The following VPS13C variants were observed in gnomAD, a reference collection of about 807,000 sequenced individuals.
VPS13C encodes the protein vacuolar protein sorting 13 homolog C, also known as intermembrane lipid transfer protein VPS13C.
VPS13C carries 358 observed loss-of-function variants against 456.8 expected under a neutral mutation model. The ratio of observed to expected loss-of-function variants is 0.78; its 90% CI spans 0.72 to 0.86. The LOEUF is 0.86. Among genes scored for constraint, VPS13C ranks in the 40% least tolerant of loss-of-function variants. VPS13C has a pLI of 0.00. For missense variants in VPS13C, 4,818 were observed against 4,385.4 expected (o/e 1.10, Z -2.79); for synonymous variants, 1,578 against 1,486.7 (o/e 1.06, Z -1.41).
At chr15:61,984,216 T>C (rs1156808650) in intron 19 of VPS13C, among the ~76,000 whole-genome samples, 1 of 152,212 alleles carries the variant, frequency 6.6e-6, no homozygotes, top group African/African-American at 2.4e-5. Flanking sequence ...TTTAATTAAC[T>C]CCTTTCATCT....
At chr15:61,859,754 T>G (rs1894122596) in intron 82 of VPS13C, among the ~76,000 whole-genome samples, 1 of 152,178 alleles carries the variant, frequency 6.6e-6, no homozygotes, top group South Asian at 2.1e-4. Context: ...ATTGATAATT[T>G]GTAGCCCCCT....
chr15:61,964,222 T>G (rs764771458), intron 31 of VPS13C, among the ~76,000 whole-genome samples: 2 of 152,096 alleles, frequency 1.3e-5, no homozygotes, highest in Non-Finnish European at 2.9e-5. Flanking sequence ...TTAAATAATG[T>G]GTCTAAGGTT....
intron 62 of VPS13C, among the ~76,000 whole-genome samples, chr15:61,912,602 T>C (rs1201382555): frequency 6.6e-6 from 1 of 151,758 alleles, no homozygotes; most frequent in Non-Finnish European, 1.5e-5. Flanking sequence ...ACATTATCAC[T>C]TGAAATTCAA....
At chr15:61,923,312 C>T (rs537778626) in intron 53 of VPS13C, among the ~76,000 whole-genome samples, 7 of 152,156 alleles carry the variant, frequency 4.6e-5, no homozygotes, top group Admixed American at 3.3e-4. Flanking sequence ...ATAAATCCTA[C>T]CTCTTATTAT....
At chr15:61,983,190 C>T (rs2045938546) in intron 20 of VPS13C, among the ~76,000 whole-genome samples, 1 of 152,166 alleles carries the variant, frequency 6.6e-6, no homozygotes, top group South Asian at 2.1e-4. Context: ...CCCACCCACA[C>T]ACACACACTT....
At chr15:61,868,594 GA>G in intron 81 of VPS13C, 64 bp downstream of exon 81, 1 of 1,401,614 alleles carries the variant, frequency 7.1e-7, no homozygotes, top group Non-Finnish European at 1.0e-6. Flanking sequence ...AACCACCTAG[GA>G]AATCCTGGGC....
intron 52 of VPS13C, among the ~76,000 whole-genome samples, chr15:61,926,793 G>A (rs28440175): frequency 0.053 from 7,982 of 152,008 alleles, 366 homozygotes; most frequent in African/African-American, 0.12. Context: ...GGTATACCAC[G>A]GTGAACAAAA....
In VPS13C at chr15:61,922,083, A is replaced by T. The variant is rs747668208; in HGVS notation, c.6976-50T>A. 10 of 1,565,870 alleles carry T rather than the reference A, an allele frequency of 6.4e-6. No homozygotes were observed. In the East Asian group the frequency reaches 1.8e-4, roughly 28 times the overall value. ...AAGACAGTCCTTTGGCTTTAATTACATATTTCTGTAACCAATAGGGAAATT... is the reference window on the plus strand; with the variant it reads ...AAGACAGTCCTTTGGCTTTAATTACTTATTTCTGTAACCAATAGGGAAATT... On this transcript the variant is annotated intron_variant, in intron 54 of 84. Transcript: ENST00000644861.
intron 82 of VPS13C, among the ~76,000 whole-genome samples, chr15:61,857,429 TA>T (rs980101766): frequency 6.6e-6 from 1 of 151,894 alleles, no homozygotes; most frequent in Admixed American, 6.6e-5. Flanking sequence ...CACTGACATA[TA>T]AAGGAGTACA....
intron 53 of VPS13C, among the ~76,000 whole-genome samples, chr15:61,924,102 G>C (rs902242073): frequency 6.6e-6 from 1 of 151,452 alleles, no homozygotes; most frequent in African/African-American, 2.4e-5. Context: ...TCCTGACCTC[G>C]TGATCCGCCC....
At position 61,878,692 on chromosome 15, in the gene VPS13C, G is replaced by C; in HGVS notation, c.10057C>G (p.Gln3353Glu). Reference sequence around the variant, plus strand: ...ACAGAATGAACTGCAAACATTTCCTGTTTTTCTTTGTCTGATTCTTCACCT... The same window carrying C: ...ACAGAATGAACTGCAAACATTTCCTCTTTTTCTTTGTCTGATTCTTCACCT... ...SGGEESDKEKQEMFAVHSVNL... is the reference protein window; with the variant it reads ...SGGEESDKEKEEMFAVHSVNL... Residue 3353 changes from glutamine to glutamate, a missense_variant, in exon 74 of 85, where the codon CAG (glutamine) becomes GAG (glutamate). Gln to Glu is a conservative substitution (Grantham distance 29, BLOSUM62 2). This residue lies in a region of VPS13C where 4,552 missense variants were observed against 4,130.6 expected (regional missense o/e 1.10). Transcript: ENST00000644861. The C allele has an allele frequency of 1.2e-6, 2 of 1,611,194 alleles. No individual in the cohort carries two copies. Among genetic ancestry groups the C allele is most frequent in the Non-Finnish European group, 1.7e-6 (2 of 1,178,630 alleles).
chr15:61,924,970 T>C (rs2043796225), intron 53 of VPS13C, among the ~76,000 whole-genome samples: 1 of 152,180 alleles, frequency 6.6e-6, no homozygotes. Flanking sequence ...GCTTTAAATG[T>C]AGTGAATAAA....
chr15:61,864,672 T>C, intron 81 of VPS13C: 1 of 985,478 alleles, frequency 1.0e-6, no homozygotes. Flanking sequence ...CAAAAAGCCA[T>C]GAATAAGGAA....
At chr15:61,901,191 T>C (rs2042984806) in intron 66 of VPS13C, among the ~76,000 whole-genome samples, 4 of 152,008 alleles carry the variant, frequency 2.6e-5, no homozygotes, top group East Asian at 3.9e-4. Context: ...ATTCAGGACA[T>C]AGGCATGGGC....
rs749630920 is a variant in VPS13C at position 61,940,647 on chromosome 15, C to T, written c.5601G>A (p.Gln1867=). 5.0e-6 allele frequency: 8 copies of T among 1,612,240 alleles called. No homozygotes were observed. Among genetic ancestry groups the T allele is most frequent in the Non-Finnish European group, 5.9e-6 (7 of 1,179,342 alleles). The change falls in exon 47 of 85, where the codon CAG becomes CAA. Residue 1867 remains glutamine, a splice_region_variant and synonymous_variant. Transcript: ENST00000644861. ...CATATATTATATACTAGCTACTTAC[C>T]TGCATAGGTTTTAGTTTTCCTTTTA... ...MEIKGKLKPM[Q]VALSEDDLTV... is the part of the protein sequence containing the mutation.
intron 66 of VPS13C, among the ~76,000 whole-genome samples, chr15:61,891,653 G>C (rs2140075085): frequency 6.6e-6 from 1 of 152,188 alleles, no homozygotes. Flanking sequence ...AGTTTTATAT[G>C]TTGATGCAAT....
At chr15:61,953,763 CATTG>C (rs1040310620) in intron 38 of VPS13C, among the ~76,000 whole-genome samples, 1 of 152,084 alleles carries the variant, frequency 6.6e-6, no homozygotes, top group Non-Finnish European at 1.5e-5. Context: ...TTAAAAACTT[CATTG>C]AAATGTCTCC....
At chr15:61,951,360 A>G (rs12901735) in intron 39 of VPS13C, among the ~76,000 whole-genome samples, 8,841 of 152,184 alleles carry the variant, frequency 0.058, 315 homozygotes, top group Non-Finnish European at 0.081. Context: ...ATTTCACTTA[A>G]AGATATCCCA....
At chr15:61,963,713 T>C (rs1403849428) in intron 32 of VPS13C, 122 bp downstream of exon 32, 1 of 695,350 alleles carries the variant, frequency 1.4e-6, no homozygotes, top group East Asian at 2.6e-5. Context: ...ACAATCCAAT[T>C]ACGTCTTTTC....
Sources: gnomAD v4.1 joint callset for allele counts (sites outside exome capture counted in the v4.1 genomes callset) on GRCh38, gnomAD v4.1.1 for gene constraint, gnomAD v4.1.1 regional missense constraint, MANE v1.5 for transcripts, NCBI Gene and HGNC (gene_info 2026-07-23, HGNC 2026-07-21) for gene names.